The following CCDC60 variants were observed in gnomAD, a reference collection of about 807,000 sequenced individuals.
The protein encoded by CCDC60 is coiled-coil domain-containing protein 60.
CCDC60 carries 54 observed loss-of-function variants against 63.5 expected under a neutral mutation model. That is an observed-to-expected ratio of 0.85 (90% CI 0.68 to 1.07). The LOEUF (loss-of-function observed/expected upper bound fraction) is 1.07. Ranked by LOEUF, CCDC60 falls within the 50% of genes least tolerant of loss-of-function variation. The pLI is 0.00. For synonymous variants in CCDC60, 206 were observed against 238.8 expected, an observed-to-expected ratio of 0.86 and a Z score of 1.27; for missense variants, 651 against 684.3, an observed-to-expected ratio of 0.95 and a Z score of 0.54.
Position 119,343,686 on chromosome 12 carries a change from G to A in CCDC60, c.90+8420G>A, listed in dbSNP as rs112706797. On this transcript the variant is annotated intron_variant, in intron 1 of 13. Transcript: ENST00000327554. The stretch of plus-strand genomic sequence containing the variant: ...TATATATATATATATATATATATAT[G>A]TATATATAAGCTTGAGGTAGAAACA... Among the ~76,000 whole-genome samples, 376 of 130,808 alleles carry A rather than the reference G, an allele frequency of 2.9e-3. 3 individuals carry two copies. The highest frequency in any genetic ancestry group is 9.6e-3 in the African/African-American group (339 of 35,448). 85.8% of individuals were successfully genotyped at this position (130,808 alleles called of 152,430 possible). A position where few individuals can be genotyped will look rare whatever the true frequency, so the allele number is the denominator to read the frequency against.
At chr12:119,342,180 G>A (rs1219998779) in intron 1 of CCDC60, among the ~76,000 whole-genome samples, 1 of 152,144 alleles carries the variant, frequency 6.6e-6, no homozygotes, top group Non-Finnish European at 1.5e-5. Flanking sequence ...GTCACAAAAT[G>A]GCTGTCCCAG....
chr12:119,479,163 C>T lies in CCDC60; in HGVS notation c.411C>T (p.His137=). The T allele has an allele frequency of 6.2e-7, 1 of 1,614,044 alleles. No homozygotes were observed. The highest frequency in any genetic ancestry group is 1.1e-5 in the South Asian group (1 of 91,074). The part of the protein sequence containing the change: ...RVTRRPFTPI[H]SCIISPSLTE... ...CACGTCGCCCATTCACTCCCATCCA[C>T]AGCTGCATCATTTCTCCCTCGCTAA... The change falls in exon 4 of 14, where the codon CAC becomes CAT. Residue 137 remains histidine (H), a synonymous_variant. Transcript: ENST00000327554.
chr12:119,516,768 T>A, intron 8 of CCDC60, 61 bp downstream of exon 8: 2 of 1,151,172 alleles, frequency 1.7e-6, no homozygotes, highest in South Asian at 1.3e-5. Flanking sequence ...ACATTAACAG[T>A]AGTAGTTGCC....
chr12:119,398,112 A>AGGAAGGGGGCGGGGTGGGGGGG (rs1956313523), intron 1 of CCDC60, among the ~76,000 whole-genome samples: 1 of 24,334 alleles, frequency 4.1e-5, no homozygotes, highest in Non-Finnish European at 7.9e-5. Context: ...GTGTGGGGGG[A>AGGAAGGGGGCGGGGTGGGGGGG]GGAAGGGGTG....
At chr12:119,343,410 G>C (rs1257627653) in intron 1 of CCDC60, among the ~76,000 whole-genome samples, 2 of 152,112 alleles carry the variant, frequency 1.3e-5, no homozygotes, top group Non-Finnish European at 2.9e-5. Context: ...AGCATTGTCA[G>C]GGGTTTCATA....
chr12:119,428,902 C>A lies in CCDC60; in HGVS notation c.170+140C>A, dbSNP rs1038109907. 34 of 582,796 alleles carry A rather than the reference C, an allele frequency of 5.8e-5. No individual in the cohort carries two copies. In the East Asian group the frequency reaches 9.9e-4, roughly 17 times the overall value. The allele number at this position is 582,796 out of a possible 1,614,324, so 36.1% of individuals were successfully genotyped here. A position where few individuals can be genotyped will look rare whatever the true frequency, so the allele number is the denominator to read the frequency against. On this transcript the variant is annotated intron_variant, in intron 2 of 13. Coordinates refer to ENST00000327554, the MANE Select transcript of CCDC60 (RefSeq NM_178499.5). ...AGCAGAAGACTTACAGGAGGGTAACCCTGGGAGGAGCAGAGGGCAGGATCG... is the reference window on the plus strand; with the variant it reads ...AGCAGAAGACTTACAGGAGGGTAACACTGGGAGGAGCAGAGGGCAGGATCG...
chr12:119,511,284 T>A (rs1467909703), intron 7 of CCDC60, among the ~76,000 whole-genome samples: 1 of 152,184 alleles, frequency 6.6e-6, no homozygotes, highest in Non-Finnish European at 1.5e-5. Context: ...CTAAGAGACA[T>A]ACTATTTGAC....
chr12:119,416,718 A>G (rs528302250), intron 1 of CCDC60, among the ~76,000 whole-genome samples: 7 of 152,340 alleles, frequency 4.6e-5, no homozygotes, highest in African/African-American at 1.7e-4. Context: ...ATGGCATTAA[A>G]TAGAATGCTT....
intron 1 of CCDC60, among the ~76,000 whole-genome samples, chr12:119,365,064 A>G (rs565347062): frequency 7.9e-5 from 12 of 152,352 alleles, no homozygotes; most frequent in African/African-American, 2.6e-4. Context: ...GTTCCATTTA[A>G]TCCTCAGAAC....
intron 8 of CCDC60, 145 bp downstream of exon 8, chr12:119,516,852 A>C: frequency 1.6e-6 from 1 of 606,258 alleles, no homozygotes. Flanking sequence ...GAGTTCTTAC[A>C]ATAATCCTAC....
intron 1 of CCDC60, among the ~76,000 whole-genome samples, chr12:119,386,841 C>G (rs1048330760): frequency 1.3e-5 from 2 of 152,124 alleles, no homozygotes; most frequent in African/African-American, 2.4e-5. Context: ...TGCGAGGAAG[C>G]CTCTCTCCTT....
chr12:119,438,937 C>G (rs1950379673), intron 2 of CCDC60, among the ~76,000 whole-genome samples: 1 of 151,950 alleles, frequency 6.6e-6, no homozygotes, highest in Admixed American at 6.6e-5. Context: ...TTCTTAGATC[C>G]TACAATGCCT....
At chr12:119,363,594 A>C (rs1955813023) in intron 1 of CCDC60, among the ~76,000 whole-genome samples, 1 of 152,172 alleles carries the variant, frequency 6.6e-6, no homozygotes, top group African/African-American at 2.4e-5. Context: ...ACAGCTATTA[A>C]TATTGCTTTA....
intron 1 of CCDC60, among the ~76,000 whole-genome samples, chr12:119,389,452 G>C (rs61938070): frequency 0.082 from 12,490 of 152,106 alleles, 690 homozygotes; most frequent in Non-Finnish European, 0.12. Flanking sequence ...CAAGTTTGCT[G>C]ACTCCAACTC....
chr12:119,401,393 TTATCCAGCACTTGCTG>T (rs1208761597), intron 1 of CCDC60, among the ~76,000 whole-genome samples: 1 of 152,232 alleles, frequency 6.6e-6, no homozygotes, highest in African/African-American at 2.4e-5. Flanking sequence ...CATCAAGCAT[TTATCCAGCACTTGCTG>T]CGTATCAAAT....
chr12:119,442,435 G>A (rs752785982), intron 2 of CCDC60, among the ~76,000 whole-genome samples: 10 of 152,140 alleles, frequency 6.6e-5, no homozygotes, highest in Admixed American at 2.6e-4. Context: ...GCAACATGGC[G>A]AAACCACGTC....
intron 2 of CCDC60, among the ~76,000 whole-genome samples, chr12:119,460,036 A>G (rs1950827322): frequency 6.6e-6 from 1 of 152,318 alleles, no homozygotes; most frequent in African/African-American, 2.4e-5. Flanking sequence ...CGTGATGCTG[A>G]TGCTGCTGGA....
intron 1 of CCDC60, among the ~76,000 whole-genome samples, chr12:119,364,703 A>G (rs1955823252): frequency 6.6e-6 from 1 of 152,210 alleles, no homozygotes; most frequent in Non-Finnish European, 1.5e-5. Flanking sequence ...TGATGCCCAC[A>G]CTGGTAACAG....
At chr12:119,536,600 G>A (rs918034665) in intron 13 of CCDC60, among the ~76,000 whole-genome samples, 2 of 152,174 alleles carry the variant, frequency 1.3e-5, no homozygotes. Context: ...ACTGTTGTAA[G>A]GCAGGCCTGG....
Sources: allele counts gnomAD v4.1 joint callset (sites outside exome capture counted in the v4.1 genomes callset), GRCh38; gene constraint gnomAD v4.1.1; transcripts MANE v1.5; gene names NCBI Gene and HGNC (gene_info 2026-07-23, HGNC 2026-07-21).